Variants in NARF observed in about 807,000 individuals in gnomAD.
NARF encodes iron-only hydrogenase-like protein 2.
NARF carries 41 observed loss-of-function variants against 48.0 expected under a neutral mutation model. The ratio of observed to expected loss-of-function variants is 0.85; its 90% CI spans 0.66 to 1.11. The LOEUF is 1.11. Among genes scored for constraint, NARF ranks in the 50% least tolerant of loss-of-function variants. The pLI is 0.00. For synonymous variants in NARF, 215 were observed against 225.5 expected (o/e 0.95, Z 0.42); for missense variants, 613 against 590.2 (o/e 1.04, Z -0.40).
chr17:82,482,519 C>T (rs1054918523), intron 7 of NARF: 11 of 135,734 alleles, frequency 8.1e-5, no homozygotes, highest in Non-Finnish European at 1.0e-4. Context: ...CCTGTGTTTC[C>T]AGCCATCTCA....
chr17:82,482,758 G>A (rs1179839499), intron 7 of NARF: 1 of 152,174 alleles, frequency 6.6e-6, no homozygotes, highest in African/African-American at 2.4e-5. Context: ...GAGCCCAGGA[G>A]TTTGAGACCT....
At chr17:82,474,772 C>T (rs2043796556) in intron 5 of NARF, among the ~76,000 whole-genome samples, 2 of 152,190 alleles carry the variant, frequency 1.3e-5, no homozygotes, top group Admixed American at 1.3e-4. Flanking sequence ...AATTTACCAT[C>T]TGTTCCATGG....
chr17:82,464,542 G>A, intron 3 of NARF, 112 bp downstream of exon 3: 1 of 1,329,818 alleles, frequency 7.5e-7, no homozygotes, highest in Non-Finnish European at 1.0e-6. Context: ...GCACATCTCA[G>A]CCTTTTCCTG....
chr17:82,463,979 G>T, intron 2 of NARF: 1 of 278,934 alleles, frequency 3.6e-6, no homozygotes, highest in Non-Finnish European at 6.8e-6. Context: ...GCAGTGGGGT[G>T]AGCTTCCAGA....
At chr17:82,487,681 G>T (rs2044126364) in intron 10 of NARF, among the ~76,000 whole-genome samples, 1 of 151,920 alleles carries the variant, frequency 6.6e-6, no homozygotes, top group South Asian at 2.1e-4. Flanking sequence ...TATCCCGGCT[G>T]GGTGCGGTGG....
intron 4 of NARF, among the ~76,000 whole-genome samples, chr17:82,469,855 T>C (rs868350897): frequency 6.6e-6 from 1 of 152,066 alleles, no homozygotes; most frequent in African/African-American, 2.4e-5. Context: ...CCACCCGCCT[T>C]GGCCTCCCAA....
chr17:82,478,695 C>T, intron 5 of NARF, 105 bp from the exon 6 acceptor site: 3 of 1,182,850 alleles, frequency 2.5e-6, no homozygotes, highest in Non-Finnish European at 3.8e-6. Context: ...GGTGTTCTGG[C>T]TTCACCCTGG....
rs776443967 is a variant in NARF at position 82,472,528 on chromosome 17, C to T, written c.386-36C>T. The T allele has an allele frequency of 2.4e-5, 37 of 1,544,984 alleles. No homozygotes were observed. The Middle Eastern group carries it at 5.2e-4, about 22-fold the overall frequency. On this transcript the variant is annotated intron_variant, in intron 4 of 10. Coordinates refer to ENST00000309794, the MANE Select transcript of NARF (RefSeq NM_012336.4). ...AAGCCTAAAAGTAGATCTTTTAGTA[C>T]GTGATTTAAGCTGAATATGCTCCTC...
intron 10 of NARF, 128 bp from the exon 11 acceptor site, chr17:82,487,788 C>CCCA: frequency 6.6e-6 from 5 of 759,764 alleles, no homozygotes; most frequent in African/African-American, 1.8e-5. Context: ...CCCTCCCGCC[C>CCCA]AATCTCTACA....
intron 3 of NARF, among the ~76,000 whole-genome samples, chr17:82,465,320 G>A (rs945195528): frequency 1.3e-5 from 2 of 152,192 alleles, no homozygotes; most frequent in African/African-American, 4.8e-5. Flanking sequence ...AGGTGAAAGA[G>A]AAAGAGACAA....
At chr17:82,469,376 A>G (rs374658657) in intron 4 of NARF, among the ~76,000 whole-genome samples, 4 of 152,226 alleles carry the variant, frequency 2.6e-5, no homozygotes, top group Non-Finnish European at 4.4e-5. Flanking sequence ...ATTTAAGAAT[A>G]TAATAAAAGA....
At chr17:82,475,546 G>A (rs2043813603) in intron 5 of NARF, among the ~76,000 whole-genome samples, 1 of 152,176 alleles carries the variant, frequency 6.6e-6, no homozygotes, top group African/African-American at 2.4e-5. Flanking sequence ...GCAGTGAGCC[G>A]TGATTGCACC....
intron 5 of NARF, 197 bp from the exon 6 acceptor site, chr17:82,478,603 T>C: frequency 1.5e-6 from 1 of 666,024 alleles, no homozygotes; most frequent in South Asian, 1.5e-5. Flanking sequence ...CCTCCAGGCC[T>C]GCAGGTTCCC....
In NARF at chr17:82,472,610, C is replaced by A. The variant is rs750799682; in HGVS notation, c.432C>A (p.Ile144=). ...CGACGATAGCTGCGGATTTTAGTAT[C>A]CTGGAGAGTCAAAAAGAATTCGTGC... The part of the protein sequence containing the change: ...FDTTIAADFS[I]LESQKEFVRR... The change falls in exon 5 of 11, where the codon ATC becomes ATA. Residue 144 remains isoleucine (I), a synonymous_variant. Transcript: ENST00000309794. 4 of 1,613,670 alleles carry A rather than the reference C, an allele frequency of 2.5e-6. No homozygotes were observed. The South Asian group carries it at 4.4e-5, about 18-fold the overall frequency.
chr17:82,487,976 T>C lies in NARF; in HGVS notation c.1190T>C (p.Leu397Pro), dbSNP rs769308368. The change falls in exon 11 of 11, where the codon CTG becomes CCG. Residue 397 changes from leucine to proline, a missense_variant. Transcript: ENST00000309794. The part of the protein sequence containing the change: ...TPDGHADKAL[L>P]RQMEGIYADI... ...GACGGACATGCGGATAAGGCCCTGCTGCGGCAGATGGAAGGCATTTACGCT... is the reference window on the plus strand; with the variant it reads ...GACGGACATGCGGATAAGGCCCTGCCGCGGCAGATGGAAGGCATTTACGCT... 1.9e-6 allele frequency: 3 copies of C among 1,614,212 alleles called. No homozygotes were observed. Among genetic ancestry groups the C allele is most frequent in the Non-Finnish European group, 1.7e-6 (2 of 1,180,044 alleles).
chr17:82,484,493 A>C (rs1169755194), intron 8 of NARF: 1 of 213,496 alleles, frequency 4.7e-6, no homozygotes, highest in Non-Finnish European at 9.3e-6. Context: ...TGATTGTGCC[A>C]CTGCACTCCA....
At chr17:82,482,220 C>T (rs1266978713) in intron 7 of NARF, 7 of 425,632 alleles carry the variant, frequency 1.6e-5, no homozygotes, top group Non-Finnish European at 1.9e-5. Context: ...TCTTTAAGGG[C>T]GCCAATGTCC....
chr17:82,462,097 A>G (rs1452110127), intron 2 of NARF, among the ~76,000 whole-genome samples: 2 of 152,204 alleles, frequency 1.3e-5, no homozygotes, highest in Non-Finnish European at 2.9e-5. Flanking sequence ...CCTGGGGAGT[A>G]GGGTTACCTC....
intron 6 of NARF, chr17:82,479,990 C>CTGGG: frequency 6.5e-6 from 1 of 154,646 alleles, no homozygotes; most frequent in African/African-American, 2.4e-5. Flanking sequence ...TATGTGTCCT[C>CTGGG]CTGTAGGTGC....
Sources: gnomAD v4.1 joint callset for allele counts (sites outside exome capture counted in the v4.1 genomes callset) on GRCh38, gnomAD v4.1.1 for gene constraint, MANE v1.5 for transcripts, NCBI Gene and HGNC (gene_info 2026-07-23, HGNC 2026-07-21) for gene names.